LEP: variants seen among roughly 807,000 people sequenced by gnomAD.
LEP encodes leptin (murine obesity homolog).
A neutral mutation model predicts 9.8 loss-of-function variants in LEP; 6 were observed. That is an observed-to-expected ratio of 0.61 (90% CI 0.34 to 1.21). The LOEUF is 1.21. Among genes scored for constraint, LEP ranks in the 50% most tolerant of loss-of-function variants. LEP has a pLI of 0.04. For missense variants in LEP, 134 were observed against 198.1 expected, an observed-to-expected ratio of 0.68 and a Z score of 1.94; for synonymous variants, 112 against 81.7, an observed-to-expected ratio of 1.37 and a Z score of -2.00.
At chr7:128,247,866 C>G (rs1225246944) in intron 1 of LEP, among the ~76,000 whole-genome samples, 3 of 152,244 alleles carry the variant, frequency 2.0e-5, no homozygotes, top group Non-Finnish European at 4.4e-5. Flanking sequence ...AGGTTAGCCA[C>G]TTTCCTAGGG....
At chr7:128,243,321 C>A (rs986313600) in intron 1 of LEP, among the ~76,000 whole-genome samples, 2 of 152,204 alleles carry the variant, frequency 1.3e-5, no homozygotes, top group Non-Finnish European at 2.9e-5. Context: ...GAGATTTAGT[C>A]TCCATCTGGG....
In LEP at chr7:128,242,161, G is replaced by T. The variant is rs567270356; in HGVS notation, c.-29+855G>T. On this transcript the variant is annotated intron_variant, in intron 1 of 2. Coordinates refer to ENST00000308868, the MANE Select transcript of LEP (RefSeq NM_000230.3). ...TTGGGAAAGTGACTCCTTAAATACA[G>T]TTAGGTCCAAGTGAGACAAGTGGCC... Among the ~76,000 whole-genome samples, 4 of 152,196 alleles carry T rather than the reference G, an allele frequency of 2.6e-5. No homozygotes were observed. In the South Asian group the frequency reaches 8.3e-4, roughly 32 times the overall value.
intron 2 of LEP, among the ~76,000 whole-genome samples, chr7:128,252,381 T>G (rs1444259895): frequency 6.6e-6 from 1 of 152,214 alleles, no homozygotes; most frequent in Non-Finnish European, 1.5e-5. Flanking sequence ...TTAGTGGTTC[T>G]AATTCTAAAC....
chr7:128,245,352 T>C (rs977954210), intron 1 of LEP, among the ~76,000 whole-genome samples: 2 of 152,202 alleles, frequency 1.3e-5, no homozygotes, highest in African/African-American at 2.4e-5. Flanking sequence ...GTTCTTTGGG[T>C]TCTATGCTTC....
chr7:128,242,173 T>C (rs1795159568), intron 1 of LEP, among the ~76,000 whole-genome samples: 1 of 152,184 alleles, frequency 6.6e-6, no homozygotes, highest in South Asian at 2.1e-4. Flanking sequence ...TAGGTCCAAG[T>C]GAGACAAGTG....
At chr7:128,248,114 G>A (rs1186390448) in intron 1 of LEP, among the ~76,000 whole-genome samples, 2 of 152,116 alleles carry the variant, frequency 1.3e-5, no homozygotes, top group African/African-American at 4.8e-5. Flanking sequence ...CCAACATGGT[G>A]AAACCCCATC....
Position 128,255,448 on chromosome 7 carries a change from A to T in LEP, c.*685A>T, listed in dbSNP as rs111365240. The T allele has an allele frequency of 6.5e-6, 1 of 153,350 alleles. No individual in the cohort carries two copies. Among genetic ancestry groups the T allele is most frequent in the Non-Finnish European group, 1.5e-5 (1 of 68,866 alleles). The allele number at this position is 153,350 out of a possible 1,614,324, so 9.5% of individuals were successfully genotyped here. On this transcript the variant is annotated 3_prime_UTR_variant, in exon 3 of 3. Transcript: ENST00000308868. ...CAAGAGCTGGCAAAGGTGGCTCTCC[A>T]GTTAGTTCTCTCGTAACTGGTTTCA...
At chr7:128,254,381 T>C (rs779193447) in intron 2 of LEP, 23 bp from the exon 3 acceptor site, 14 of 1,610,790 alleles carry the variant, frequency 8.7e-6, no homozygotes, top group Non-Finnish European at 1.2e-5. Context: ...TGAGCACTTG[T>C]TCTCCCTCTT....
rs538843747 is a variant in LEP, at chr7:128,241,578, A to C, written c.-29+272A>C. On this transcript the variant is annotated intron_variant, in intron 1 of 2. Coordinates refer to ENST00000308868, the MANE Select transcript of LEP (RefSeq NM_000230.3). ...AGGTCCCTGGGAGACTGTCAGACCCACCAACCTGGTGGCATTCGCAGAGCT... is the reference window on the plus strand; with the variant it reads ...AGGTCCCTGGGAGACTGTCAGACCCCCCAACCTGGTGGCATTCGCAGAGCT... 1.3e-3 allele frequency among the ~76,000 whole-genome samples: 198 copies of C among 152,290 alleles called. 8 individuals are homozygous for C. In the South Asian group the frequency reaches 0.04, roughly 31 times the overall value.
intron 1 of LEP, among the ~76,000 whole-genome samples, chr7:128,245,686 C>T (rs540784718): frequency 6.6e-6 from 1 of 152,274 alleles, no homozygotes; most frequent in Non-Finnish European, 1.5e-5. Flanking sequence ...ACAAAAGACT[C>T]GCTTTGTTCT....
rs77448332 is a variant in LEP at position 128,251,169 on chromosome 7, T to G, written c.-28-822T>G. On this transcript the variant is annotated intron_variant, in intron 1 of 2. Transcript: ENST00000308868. ...GAGCCCCCTGTGCCTTCCAGTAGTA[T>G]CTTGTACCTGCCCTTTTTGCAAAGC... 5.1e-4 allele frequency among the ~76,000 whole-genome samples: 77 copies of G among 152,310 alleles called. No homozygotes were observed. The East Asian group carries it at 0.012, about 24-fold the overall frequency.
At chr7:128,253,079 A>T (rs1795294176) in intron 2 of LEP, among the ~76,000 whole-genome samples, 2 of 151,826 alleles carry the variant, frequency 1.3e-5, no homozygotes, top group African/African-American at 4.8e-5. Context: ...TTCCTCCCTG[A>T]CTTCACTTCC....
intron 1 of LEP, among the ~76,000 whole-genome samples, chr7:128,245,478 CT>C (rs1254275146): frequency 1.3e-5 from 2 of 152,168 alleles, no homozygotes; most frequent in African/African-American, 4.8e-5. Flanking sequence ...CCTTTATTTC[CT>C]CCTTTGTTCT....
At chr7:128,241,565 G>A (rs1478327550) in intron 1 of LEP, among the ~76,000 whole-genome samples, 3 of 152,252 alleles carry the variant, frequency 2.0e-5, no homozygotes, top group Non-Finnish European at 4.4e-5. Flanking sequence ...GTCCCTGGGA[G>A]ACTGTCAGAC....
rs538776321 is a variant in LEP, at chr7:128,254,595, C to T, written c.336C>T (p.Ala112=). 2 of 1,614,198 alleles carry T rather than the reference C, an allele frequency of 1.2e-6. No homozygotes were observed. Among genetic ancestry groups the T allele is most frequent in the South Asian group, 2.2e-5 (2 of 91,084 alleles). The change falls in exon 3 of 3, where the codon GCC becomes GCT. Residue 112 remains alanine (A), a synonymous_variant. Coordinates refer to ENST00000308868, the MANE Select transcript of LEP (RefSeq NM_000230.3). ...ENLRDLLHVL[A]FSKSCHLPWA... is the part of the protein sequence containing the mutation. ...TCCGGGATCTTCTTCACGTGCTGGC[C>T]TTCTCTAAGAGCTGCCACTTGCCCT... is the stretch of plus-strand genomic sequence containing the variant.
intron 1 of LEP, among the ~76,000 whole-genome samples, chr7:128,243,576 C>T (rs890595262): frequency 2.0e-5 from 3 of 152,082 alleles, no homozygotes; most frequent in Non-Finnish European, 2.9e-5. Flanking sequence ...CTAGAGGGCA[C>T]ATAGGAAGTG....
rs201430198 is a variant in LEP, at chr7:128,251,983, G to A, written c.-28-8G>A. ...CTCCTTGCAGTGTGTGGTTCCTTCT[G>A]TTTTCAGGCCCAAGAAGCCCATCCT... On this transcript the variant is annotated splice_polypyrimidine_tract_variant and splice_region_variant and intron_variant, in intron 1 of 2. Transcript: ENST00000308868. 1.2e-6 allele frequency: 2 copies of A among 1,613,410 alleles called. No homozygotes were observed. The highest frequency in any genetic ancestry group is 1.7e-6 in the Non-Finnish European group (2 of 1,179,324).
intron 1 of LEP, among the ~76,000 whole-genome samples, chr7:128,250,556 T>C (rs944395010): frequency 6.6e-6 from 1 of 152,190 alleles, no homozygotes; most frequent in East Asian, 1.9e-4. Context: ...TTTGGGCAAG[T>C]TGACTCCTAT....
chr7:128,253,003 C>T (rs1217051831), intron 2 of LEP, among the ~76,000 whole-genome samples: 1 of 152,186 alleles, frequency 6.6e-6, no homozygotes, highest in Non-Finnish European at 1.5e-5. Context: ...TTAGCTGAGC[C>T]ACATGCAGGC....
Sources: gnomAD v4.1 joint callset for allele counts (sites outside exome capture counted in the v4.1 genomes callset) on GRCh38, gnomAD v4.1.1 for gene constraint, MANE v1.5 for transcripts, NCBI Gene and HGNC (gene_info 2026-07-23, HGNC 2026-07-21) for gene names.